FUBP1: variants seen among roughly 807,000 people sequenced by gnomAD.
The protein encoded by FUBP1 is far upstream element binding protein 1.
Under a neutral mutation model 94.9 loss-of-function variants are expected in FUBP1, and 16 were observed. The ratio of observed to expected loss-of-function variants is 0.17; its 90% confidence interval spans 0.11 to 0.26. The LOEUF (loss-of-function observed/expected upper bound fraction) is 0.26. FUBP1 is among the 10% of genes least tolerant of loss of function. The pLI, the probability that FUBP1 is intolerant of heterozygous loss-of-function variation, is 1.00. For missense variants in FUBP1, 583 were observed against 808.6 expected (o/e 0.72, Z 3.38); for synonymous variants, 279 against 254.9 (o/e 1.09, Z -0.90).
At chr1:77,965,800 G>A (rs1015285908) in intron 7 of FUBP1, among the ~76,000 whole-genome samples, 5 of 152,192 alleles carry the variant, frequency 3.3e-5, no homozygotes, top group Non-Finnish European at 7.4e-5. Flanking sequence ...TGTAATCCCA[G>A]GACTTTGGGA....
In FUBP1 at chr1:77,949,218, T is replaced by C. The variant is rs368096513; in HGVS notation, c.1863A>G (p.Gln621=). The change falls in exon 19 of 20, where the codon CAA becomes CAG. Residue 621 remains glutamine (Q), a synonymous_variant. Transcript: ENST00000370768. ...TTGTCTGGGCATAATAGGCTGCTTG[T>C]TGTCTATAATACTCAGCCCAGGCTG... The part of the protein sequence containing the change: ...YSAAWAEYYR[Q]QAAYYAQTSP... The C allele has an allele frequency of 1.3e-5, 21 of 1,613,354 alleles. No homozygotes were observed. The African/African-American group carries it at 2.3e-4, about 17-fold the overall frequency.
At chr1:77,978,430 A>G (rs2102553572) in intron 1 of FUBP1, among the ~76,000 whole-genome samples, 1 of 152,368 alleles carries the variant, frequency 6.6e-6, no homozygotes, top group East Asian at 1.9e-4. Flanking sequence ...AGCGGTTTTA[A>G]TTGCGAGAGA....
intron 2 of FUBP1, among the ~76,000 whole-genome samples, chr1:77,969,560 A>G (rs780736690): frequency 1.3e-5 from 2 of 152,176 alleles, no homozygotes; most frequent in African/African-American, 2.4e-5. Context: ...AATACAGCAT[A>G]TTAAAATCCA....
chr1:77,968,047 T>C (rs1656846526), intron 3 of FUBP1, 118 bp downstream of exon 3: 13 of 626,292 alleles, frequency 2.1e-5, no homozygotes, highest in Non-Finnish European at 3.6e-5. Flanking sequence ...AAATTCAGGC[T>C]AGCTGATCCA....
At chr1:77,951,785 A>T (rs1213101625) in intron 18 of FUBP1, among the ~76,000 whole-genome samples, 1 of 152,200 alleles carries the variant, frequency 6.6e-6, no homozygotes, top group African/African-American at 2.4e-5. Flanking sequence ...ATTCTATTAG[A>T]GCCTAAGAGC....
At chr1:77,957,470 T>C (rs1654673478) in intron 16 of FUBP1, among the ~76,000 whole-genome samples, 1 of 152,196 alleles carries the variant, frequency 6.6e-6, no homozygotes, top group Admixed American at 6.5e-5. Flanking sequence ...TCCTCTACAC[T>C]TGACTGACCC....
rs1651820938 is a variant in FUBP1, at chr1:77,944,846, T to C, written c.*3920A>G. On this transcript the variant is annotated 3_prime_UTR_variant, in exon 20 of 20. Transcript: ENST00000370768. The stretch of plus-strand genomic sequence containing the variant: ...TACTAGTTTTAGTATTAAAACCATT[T>C]TTTATATTAAAAAATAAAACTATAC... Among the ~76,000 whole-genome samples the C allele has an allele frequency of 6.6e-6, 1 of 152,018 alleles. No individual in the cohort carries two copies. The highest frequency in any genetic ancestry group is 1.5e-5 in the Non-Finnish European group (1 of 67,884).
chr1:77,979,228 G>T (rs2102569084), upstream of FUBP1: 8 of 533,274 alleles, frequency 1.5e-5, no homozygotes, highest in South Asian at 1.8e-4. Context: ...GACGTCGCGA[G>T]GATTAAGTTT....
chr1:77,978,139 T>C (rs909268435), intron 1 of FUBP1, among the ~76,000 whole-genome samples: 2 of 152,274 alleles, frequency 1.3e-5, no homozygotes, highest in Non-Finnish European at 2.9e-5. Context: ...AGGTATCTTT[T>C]ATTTTCCTGG....
In FUBP1 at chr1:77,948,146, AC is replaced by A. The variant is rs1652569287; in HGVS notation, c.*619del. On this transcript the variant is annotated 3_prime_UTR_variant, in exon 20 of 20. Coordinates refer to ENST00000370768, the MANE Select transcript of FUBP1 (RefSeq NM_003902.5). ...TGGAAGTATGCCAAAAGATCATTGT[AC>A]ACACATGCAGTTTTTAATCAAACAG... The A allele has an allele frequency of 4.8e-6, 5 of 1,040,134 alleles. No homozygotes were observed. The highest frequency in any genetic ancestry group is 5.5e-5 in the Admixed American group (1 of 18,060). The allele number at this position is 1,040,134 out of a possible 1,614,324, so 64.4% of individuals were successfully genotyped here.
chr1:77,976,920 T>C (rs557022878), intron 1 of FUBP1, among the ~76,000 whole-genome samples: 39 of 152,340 alleles, frequency 2.6e-4, no homozygotes, highest in African/African-American at 9.4e-4. Context: ...TTCTGGGTCC[T>C]TGCCATTCCC....
rs565822458 is a variant in FUBP1 at position 77,966,868 on chromosome 1, G to C, written c.415+16C>G. The C allele has an allele frequency of 6.7e-7, 1 of 1,497,680 alleles. No homozygotes were observed. Among genetic ancestry groups the C allele is most frequent in the South Asian group, 1.1e-5 (1 of 87,628 alleles). 92.8% of individuals were successfully genotyped at this position (1,497,680 alleles called of 1,614,324 possible). On this transcript the variant is annotated intron_variant, in intron 6 of 19. Coordinates refer to ENST00000370768, the MANE Select transcript of FUBP1 (RefSeq NM_003902.5). ...TTTCTAGTCACACTGAAAATACCAT[G>C]AGAATGTAACATTACCAGGAGCTAT...
chr1:77,951,363 A>G (rs1653430460), intron 18 of FUBP1, among the ~76,000 whole-genome samples: 1 of 152,240 alleles, frequency 6.6e-6, no homozygotes, highest in African/African-American at 2.4e-5. Context: ...TTCTTGGTAA[A>G]TAAGTTGGTA....
In FUBP1 at chr1:77,965,255, T is replaced by G. The variant is rs370012476; in HGVS notation, c.474-24A>C. The stretch of plus-strand genomic sequence containing the variant: ...ACCTGTTAACAAATTAATATTTAAA[T>G]AGTAAGCTGTAGCATACCCAAGCTT... On this transcript the variant is annotated intron_variant, in intron 7 of 19. Coordinates refer to ENST00000370768, the MANE Select transcript of FUBP1 (RefSeq NM_003902.5). 523 of 1,522,940 alleles carry G rather than the reference T, an allele frequency of 3.4e-4. 5 individuals carry two copies. The South Asian group carries it at 5.6e-3, about 16-fold the overall frequency. The allele number at this position is 1,522,940 out of a possible 1,614,324, so 94.3% of individuals were successfully genotyped here.
chr1:77,966,262 G>A (rs978339054), intron 7 of FUBP1, among the ~76,000 whole-genome samples: 3 of 152,200 alleles, frequency 2.0e-5, no homozygotes, highest in African/African-American at 7.2e-5. Context: ...TTAAGTGGGA[G>A]AGCGTGGGGT....
chr1:77,968,970 GGTTT>G lies in FUBP1; in HGVS notation c.212-771_212-768del, dbSNP rs1183627240. 51 of 590,024 alleles carry G rather than the reference GGTTT, an allele frequency of 8.6e-5. No homozygotes were observed. The East Asian group carries it at 1.4e-3, about 16-fold the overall frequency. 36.5% of individuals were successfully genotyped at this position (590,024 alleles called of 1,614,324 possible). On this transcript the variant is annotated intron_variant, in intron 2 of 19. Transcript: ENST00000370768. ...ATTTGTGTCCATTTAAGAATCCACTGGTTTATTTCACGTTTACATACTGAACACA... is the reference window on the plus strand; with the variant it reads ...ATTTGTGTCCATTTAAGAATCCACTGATTTCACGTTTACATACTGAACACA...
chr1:77,977,929 T>G (rs575729857), intron 1 of FUBP1, among the ~76,000 whole-genome samples: 1 of 152,322 alleles, frequency 6.6e-6, no homozygotes, highest in Admixed American at 6.5e-5. Flanking sequence ...GAACTCCTAA[T>G]GCAACGAAAA....
intron 7 of FUBP1, among the ~76,000 whole-genome samples, chr1:77,965,849 C>A (rs1177165015): frequency 1.3e-5 from 2 of 152,174 alleles, no homozygotes; most frequent in East Asian, 3.8e-4. Flanking sequence ...GAGATTGAGA[C>A]CATCCCGGCC....
upstream of FUBP1, chr1:77,979,099 A>T: frequency 2.4e-6 from 3 of 1,251,726 alleles, no homozygotes; most frequent in South Asian, 3.0e-5. Flanking sequence ...AAGCTCTATT[A>T]CATTCTTGCG....
Sources: gnomAD v4.1 joint callset for allele counts (sites outside exome capture counted in the v4.1 genomes callset) on GRCh38, gnomAD v4.1.1 for gene constraint, MANE v1.5 for transcripts, NCBI Gene and HGNC (gene_info 2026-07-23, HGNC 2026-07-21) for gene names.